Variants in CDC73 observed in about 807,000 individuals in gnomAD.
The protein encoded by CDC73 is parafibromin.
Under a neutral mutation model 83.7 loss-of-function variants are expected in CDC73, and 21 were observed. That is an observed-to-expected ratio of 0.25 (90% confidence interval 0.18 to 0.36). CDC73 has a LOEUF of 0.36. Among genes scored for constraint, CDC73 ranks in the 10% least tolerant of loss-of-function variants. CDC73 has a pLI of 1.00. For missense variants in CDC73, 342 were observed against 653.3 expected (o/e 0.52, Z 5.19); for synonymous variants, 224 against 212.9 (o/e 1.05, Z -0.45).
chr1:193,124,265 CTTA>C (rs1194075432), intron 1 of CDC73, among the ~76,000 whole-genome samples: 1 of 152,166 alleles, frequency 6.6e-6, no homozygotes, highest in Non-Finnish European at 1.5e-5. Context: ...ACTTACTCTT[CTTA>C]TTGTATGCAG....
rs1678050478 is a variant in CDC73, at chr1:193,251,951, T to G, written c.*1239T>G. 2 of 231,586 alleles carry G rather than the reference T, an allele frequency of 8.6e-6. No homozygotes were observed. The highest frequency in any genetic ancestry group is 5.7e-5 in the Admixed American group (1 of 17,698). 14.3% of individuals were successfully genotyped at this position (231,586 alleles called of 1,614,324 possible). ...TCTTATGTCATTTTTTTCTCTGTTT[T>G]TATTCCCAGCAATTTTCTCCTAGGT... On this transcript the variant is annotated 3_prime_UTR_variant, in exon 17 of 17. Transcript: ENST00000367435.
At chr1:193,127,289 ATGTGTGTGT>A (rs1675595420) in intron 2 of CDC73, among the ~76,000 whole-genome samples, 2 of 143,188 alleles carry the variant, frequency 1.4e-5, no homozygotes, top group African/African-American at 2.6e-5. Context: ...AAAAAAAAAA[ATGTGTGTGT>A]GTGTGTGTGT....
At chr1:193,122,380 G>GC in intron 1 of CDC73, 49 bp downstream of exon 1, 1 of 1,612,246 alleles carries the variant, frequency 6.2e-7, no homozygotes, top group Non-Finnish European at 8.5e-7. Flanking sequence ...AGAGTTGGGC[G>GC]CCCCCAGGCG....
At chr1:193,234,290 TTA>T (rs1360242844) in intron 14 of CDC73, among the ~76,000 whole-genome samples, 7 of 118,742 alleles carry the variant, frequency 5.9e-5, no homozygotes, top group African/African-American at 2.4e-4. Context: ...AATATACATA[TTA>T]TATATATAAT....
At chr1:193,197,957 C>A in intron 10 of CDC73, among the ~76,000 whole-genome samples, 2 of 148,650 alleles carry the variant, frequency 1.3e-5, no homozygotes, top group East Asian at 2.0e-4. Flanking sequence ...AGTGTATGTG[C>A]AAAGAATGAA....
intron 10 of CDC73, among the ~76,000 whole-genome samples, chr1:193,174,416 A>G (rs994266679): frequency 3.9e-5 from 6 of 152,138 alleles, no homozygotes; most frequent in Admixed American, 1.3e-4. Context: ...CTTCCACTAT[A>G]TCTCCAGTAC....
chr1:193,169,969 C>G (rs945631816), intron 10 of CDC73, among the ~76,000 whole-genome samples: 33 of 152,076 alleles, frequency 2.2e-4, no homozygotes, highest in Admixed American at 2.2e-3. Flanking sequence ...CTCCGACAGG[C>G]CCCAGTATGT....
chr1:193,225,318 T>G (rs1342503708), intron 13 of CDC73, among the ~76,000 whole-genome samples: 1 of 151,434 alleles, frequency 6.6e-6, no homozygotes, highest in Non-Finnish European at 1.5e-5. Context: ...TAATGGGCAT[T>G]TAGGTTGGTT....
chr1:193,158,121 T>C (rs535577688), intron 10 of CDC73, among the ~76,000 whole-genome samples: 1 of 139,994 alleles, frequency 7.1e-6, no homozygotes, highest in Admixed American at 7.1e-5. Flanking sequence ...GTATTGTTAA[T>C]GATATAATTT....
intron 11 of CDC73, among the ~76,000 whole-genome samples, chr1:193,206,037 C>A (rs546424979): frequency 5.1e-4 from 77 of 152,164 alleles, no homozygotes; most frequent in African/African-American, 1.7e-3. Context: ...AAAATTTTTT[C>A]TATTTTGCAT....
intron 10 of CDC73, among the ~76,000 whole-genome samples, chr1:193,199,710 C>CAAA (rs879633462): frequency 1.3e-5 from 1 of 75,116 alleles, no homozygotes. Context: ...GACTCCATCT[C>CAAA]AAAAAAAAAA....
At chr1:193,150,153 C>T in intron 8 of CDC73, 151 bp from the exon 9 acceptor site, 1 of 648,066 alleles carries the variant, frequency 1.5e-6, no homozygotes, top group Non-Finnish European at 2.8e-6. Context: ...TGCCTGTGGT[C>T]CCAGCTACTT....
At chr1:193,198,158 T>C (rs1312896452) in intron 10 of CDC73, among the ~76,000 whole-genome samples, 5 of 151,968 alleles carry the variant, frequency 3.3e-5, no homozygotes, top group Admixed American at 3.3e-4. Flanking sequence ...ATTGGAGGAG[T>C]AGTAGTTTCT....
chr1:193,150,567 T>C (rs771258355), intron 9 of CDC73, among the ~76,000 whole-genome samples, 185 bp downstream of exon 9: 11 of 152,226 alleles, frequency 7.2e-5, no homozygotes, highest in Non-Finnish European at 1.3e-4. Context: ...ATGTATTTTA[T>C]ATATGGCTGC....
intron 15 of CDC73, among the ~76,000 whole-genome samples, chr1:193,248,917 A>G (rs189598750): frequency 7.9e-4 from 121 of 152,204 alleles, no homozygotes; most frequent in African/African-American, 2.8e-3. Flanking sequence ...AGATGCCATA[A>G]ACGTTGTTGA....
intron 10 of CDC73, chr1:193,179,896 CATTAA>C (rs1486748676): frequency 6.5e-6 from 1 of 153,028 alleles, no homozygotes; most frequent in Non-Finnish European, 1.5e-5. Context: ...GTTTTATTTA[CATTAA>C]ATTATATATT....
At chr1:193,181,719 T>C in intron 10 of CDC73, 1 of 666,504 alleles carries the variant, frequency 1.5e-6, no homozygotes, top group Non-Finnish European at 2.5e-6. Context: ...CAGAACTGCC[T>C]GAAAGGGACT....
intron 10 of CDC73, among the ~76,000 whole-genome samples, chr1:193,177,528 TAA>T (rs556503372): frequency 3.4e-4 from 36 of 104,402 alleles, no homozygotes; most frequent in African/African-American, 5.5e-4. Context: ...AGACTCTGTC[TAA>T]AAAAAAAAAA....
intron 3 of CDC73, among the ~76,000 whole-genome samples, chr1:193,133,231 G>T (rs114312276): frequency 6.6e-6 from 1 of 151,984 alleles, no homozygotes; most frequent in Non-Finnish European, 1.5e-5. Flanking sequence ...GTCACTAAGC[G>T]TATTGCTTTG....
Sources: allele counts gnomAD v4.1 joint callset (sites outside exome capture counted in the v4.1 genomes callset), GRCh38; gene constraint gnomAD v4.1.1; transcripts MANE v1.5; gene names NCBI Gene and HGNC (gene_info 2026-07-23, HGNC 2026-07-21).